GABRE: variants seen among roughly 807,000 people sequenced by gnomAD.
The protein encoded by GABRE is gamma-aminobutyric acid type A receptor subunit epsilon, also known as gamma-aminobutyric acid receptor subunit epsilon.
In GABRE, 20 loss-of-function variants were observed where a neutral mutation model predicts 31.0. The observed-to-expected ratio is 0.64, with a 90% CI of 0.45 to 0.94. GABRE has a LOEUF of 0.94. Among genes scored for constraint, GABRE ranks in the 40% least tolerant of loss-of-function variants. The pLI, the probability that GABRE is intolerant of heterozygous loss-of-function variation, is 0.00. For missense variants in GABRE, 420 were observed against 410.7 expected (o/e 1.02, Z -0.20); for synonymous variants, 155 against 150.6 (o/e 1.03, Z -0.21).
intron 1 of GABRE, chrX:151,972,366 A>G (rs1360851821): frequency 4.0e-6 from 3 of 751,788 alleles, no homozygotes; most frequent in Admixed American, 8.9e-5. Flanking sequence ...AGCCATCTCA[A>G]AAGATAAGGG....
At chrX:151,964,252 T>C (rs182888393) in intron 3 of GABRE, among the ~76,000 whole-genome samples, 29 of 111,828 alleles carry the variant, frequency 2.6e-4, no homozygotes, top group African/African-American at 9.4e-4. Flanking sequence ...AATTTGTAAG[T>C]GCCCTCCTCC....
intron 3 of GABRE, among the ~76,000 whole-genome samples, chrX:151,963,314 A>C (rs1237071716): frequency 8.9e-6 from 1 of 112,247 alleles, no homozygotes; most frequent in African/African-American, 3.2e-5. Context: ...TTCATGACTA[A>C]AAGTTTTCAG....
At chrX:151,968,626 G>A (rs752891828) in intron 3 of GABRE, among the ~76,000 whole-genome samples, 7 of 111,675 alleles carry the variant, frequency 6.3e-5, no homozygotes, top group South Asian at 3.8e-4. Flanking sequence ...TGTTTGCCCC[G>A]GGCCAAGCCA....
intron 8 of GABRE, 66 bp downstream of exon 8, chrX:151,955,302 C>T (rs1934119946): frequency 1.7e-5 from 20 of 1,209,108 alleles, no homozygotes; most frequent in Admixed American, 4.4e-5. Context: ...GCCATAACCC[C>T]AGTACCCTTG....
chrX:151,966,939 A>T (rs1164377565), intron 3 of GABRE, among the ~76,000 whole-genome samples: 2 of 112,075 alleles, frequency 1.8e-5, no homozygotes, highest in Non-Finnish European at 3.8e-5. Flanking sequence ...TGGCAGCATG[A>T]ATAGCCATGG....
chrX:151,955,081 G>A lies in GABRE; in HGVS notation c.1141C>T (p.Arg381Cys), dbSNP rs1207659055. The A allele has an allele frequency of 1.7e-5, 21 of 1,201,109 alleles. No homozygotes were observed. Among genetic ancestry groups the A allele is most frequent in the Middle Eastern group, 2.3e-4 (1 of 4,361 alleles). The change falls in exon 9 of 9, where the codon CGT (arginine) becomes TGT (cysteine). Residue 381 changes from arginine (R) to cysteine (C), a missense_variant. Arg to Cys is a radical substitution (Grantham distance 180). Transcript: ENST00000370328. Reference protein sequence around the residue: ...AHASPKLRHPRINSRAHARTR... With the variant: ...AHASPKLRHPCINSRAHARTR... ...CGGGCATGGGCACGGCTATTGATAC[G>A]AGGCTAAAATGGACAAGGAAAGAAG...
intron 3 of GABRE, among the ~76,000 whole-genome samples, chrX:151,968,458 GA>G (rs1256780741): frequency 8.9e-6 from 1 of 112,451 alleles, no homozygotes. Context: ...TGGGAGTGGG[GA>G]ACCTTGCTTT....
intron 1 of GABRE, chrX:151,971,221 G>A (rs750951794): frequency 1.1e-5 from 5 of 464,013 alleles, no homozygotes; most frequent in South Asian, 5.2e-5. Context: ...GCTCACATTC[G>A]GGTCCTTGAT....
At chrX:151,959,580 C>A in intron 6 of GABRE, 1 of 452,497 alleles carries the variant, frequency 2.2e-6, no homozygotes, top group East Asian at 5.0e-5. Context: ...CTGCACATTC[C>A]GACAGCAGCA....
At chrX:151,962,700 C>T in intron 3 of GABRE, 57 bp from the exon 4 acceptor site, 1 of 977,581 alleles carries the variant, frequency 1.0e-6, no homozygotes, top group Non-Finnish European at 1.5e-6. Flanking sequence ...AGGACATTCA[C>T]ATGCAAACAT....
Position 151,953,214 on chromosome X carries a change from C to A in GABRE, c.*1487G>T. Reference sequence around the variant, plus strand: ...AGACCCCACCCTATCCACCCCCCAACAAATTACAGACACAGATTTCACTTA... The same window carrying A: ...AGACCCCACCCTATCCACCCCCCAAAAAATTACAGACACAGATTTCACTTA... On this transcript the variant is annotated 3_prime_UTR_variant, in exon 9 of 9. Transcript: ENST00000370328. 1 of 111,766 alleles carries A rather than the reference C, an allele frequency of 8.9e-6. No individual in the cohort carries two copies. The highest frequency in any genetic ancestry group is 1.9e-5 in the Non-Finnish European group (1 of 53,198). 9.2% of individuals were successfully genotyped at this position (111,766 alleles called of 1,213,427 possible). A position where few individuals can be genotyped will look rare whatever the true frequency, so the allele number is the denominator to read the frequency against.
rs954085698 is a variant in GABRE, at chrX:151,954,083, C to G, written c.*618G>C. 1 of 110,411 alleles carries G rather than the reference C, an allele frequency of 9.1e-6. No homozygotes were observed. The highest frequency in any genetic ancestry group is 1.9e-5 in the Non-Finnish European group (1 of 52,659). 9.1% of individuals were successfully genotyped at this position (110,411 alleles called of 1,213,427 possible). A position where few individuals can be genotyped will look rare whatever the true frequency, so the allele number is the denominator to read the frequency against. On this transcript the variant is annotated 3_prime_UTR_variant, in exon 9 of 9. Transcript: ENST00000370328. The stretch of plus-strand genomic sequence containing the variant: ...CTGTCCCAAATAGGCTCTCTTGCTG[C>G]CCCCCCCTCTTCCTAAAGGGATAAT...
chrX:151,961,412 G>T (rs750082519), intron 4 of GABRE, 47 bp from the exon 5 acceptor site: 21 of 894,117 alleles, frequency 2.3e-5, no homozygotes, highest in South Asian at 1.3e-4. Flanking sequence ...AAGCACTTCC[G>T]TATCCACCCA....
intron 1 of GABRE, 39 bp from the exon 2 acceptor site, chrX:151,970,441 C>T (rs775653063): frequency 8.4e-7 from 1 of 1,185,163 alleles, no homozygotes; most frequent in South Asian, 1.9e-5. Flanking sequence ...CTGCCCTGCA[C>T]TCTGTAGGGG....
In GABRE at chrX:151,955,763, G is replaced by C. The variant is rs1183286263; in HGVS notation, c.882C>G (p.Leu294=). 22 of 1,212,019 alleles carry C rather than the reference G, an allele frequency of 1.8e-5. No individual in the cohort carries two copies. Among genetic ancestry groups the C allele is most frequent in the Non-Finnish European group, 2.5e-5 (22 of 895,487 alleles). Residue 294 remains leucine (L), a synonymous_variant, in exon 7 of 9, where the codon CTC becomes CTG. Coordinates refer to ENST00000370328, the MANE Select transcript of GABRE (RefSeq NM_004961.4). ...TCTTGATCCAAAAGGAAACCCAGGA[G>C]AGCATCGTGGTCACGGAAGAAGGGA... The part of the protein sequence containing the change: ...NYVPSSVTTM[L]SWVSFWIKTE...
Position 151,953,560 on chromosome X carries a change from A to T in GABRE, c.*1141T>A, listed in dbSNP as rs2124139472. The T allele has an allele frequency of 8.9e-6, 1 of 112,548 alleles. No individual in the cohort carries two copies. The highest frequency in any genetic ancestry group is 9.4e-5 in the Admixed American group (1 of 10,627). The allele number at this position is 112,548 out of a possible 1,213,427, so 9.3% of individuals were successfully genotyped here. ...TGGGGATAAGAATCCTGCCCTAAAGATGTCACAAGGCTATCATGAAGCTCC... is the reference window on the plus strand; with the variant it reads ...TGGGGATAAGAATCCTGCCCTAAAGTTGTCACAAGGCTATCATGAAGCTCC... On this transcript the variant is annotated 3_prime_UTR_variant, in exon 9 of 9. Transcript: ENST00000370328.
rs201633998 is a variant in GABRE at position 151,973,177 on chromosome X, C to A, written c.56+1393G>T. Among the ~76,000 whole-genome samples the A allele has an allele frequency of 3.6e-5, 4 of 110,808 alleles. No individual in the cohort carries two copies. In the East Asian group the frequency reaches 1.1e-3, roughly 32 times the overall value. Reference sequence around the variant, plus strand: ...GAGAGGTCTTCTGGTTCAGTGTGGCCCAGTACACCCCATTGTCACCTCCTC... The same window carrying A: ...GAGAGGTCTTCTGGTTCAGTGTGGCACAGTACACCCCATTGTCACCTCCTC... On this transcript the variant is annotated intron_variant, in intron 1 of 8. Coordinates refer to ENST00000370328, the MANE Select transcript of GABRE (RefSeq NM_004961.4).
intron 6 of GABRE, 94 bp from the exon 7 acceptor site, chrX:151,955,954 A>C: frequency 1.3e-5 from 11 of 875,632 alleles, no homozygotes; most frequent in Non-Finnish European, 1.8e-5. Context: ...TTTTCAGCTC[A>C]CAGTATTCCC....
rs1484862646 is a variant in GABRE at position 151,954,087 on chromosome X, C to T, written c.*614G>A. On this transcript the variant is annotated 3_prime_UTR_variant, in exon 9 of 9. Coordinates refer to ENST00000370328, the MANE Select transcript of GABRE (RefSeq NM_004961.4). ...CCCAAATAGGCTCTCTTGCTGCCCC[C>T]CCCTCTTCCTAAAGGGATAATGCCA... 1 of 111,620 alleles carries T rather than the reference C, an allele frequency of 9.0e-6. No homozygotes were observed. The highest frequency in any genetic ancestry group is 1.9e-5 in the Non-Finnish European group (1 of 53,112). The allele number at this position is 111,620 out of a possible 1,213,427, so 9.2% of individuals were successfully genotyped here.
Sources: gnomAD v4.1 joint callset for allele counts (sites outside exome capture counted in the v4.1 genomes callset) on GRCh38, gnomAD v4.1.1 for gene constraint, MANE v1.5 for transcripts, NCBI Gene and HGNC (gene_info 2026-07-23, HGNC 2026-07-21) for gene names.